The following SCD5 variants were observed in gnomAD, a reference collection of about 807,000 sequenced individuals.
The protein encoded by SCD5 is acyl-CoA-desaturase 4.
A neutral mutation model predicts 30.4 loss-of-function variants in SCD5; 20 were observed. The observed-to-expected ratio is 0.66, with a 90% confidence interval of 0.46 to 0.96. SCD5 has a LOEUF of 0.96. SCD5 is among the 40% of genes least tolerant of loss of function. SCD5 has a pLI of 0.00. For synonymous variants in SCD5, 173 were observed against 176.4 expected (o/e 0.98, Z 0.16); for missense variants, 381 against 443.3 (o/e 0.86, Z 1.26).
At chr4:82,717,801 A>G (rs922010008) in intron 1 of SCD5, among the ~76,000 whole-genome samples, 1 of 151,682 alleles carries the variant, frequency 6.6e-6, no homozygotes, top group Admixed American at 6.6e-5. Flanking sequence ...CTGTAATCCC[A>G]GATACTTGGG....
At chr4:82,786,287 G>A (rs908522834) in intron 1 of SCD5, among the ~76,000 whole-genome samples, 2 of 151,870 alleles carry the variant, frequency 1.3e-5, no homozygotes, top group African/African-American at 2.4e-5. Context: ...TATTAGAGAC[G>A]GCCTTTCCAA....
At chr4:82,750,414 A>G (rs1303683699) in intron 1 of SCD5, among the ~76,000 whole-genome samples, 4 of 152,246 alleles carry the variant, frequency 2.6e-5, no homozygotes, top group African/African-American at 9.6e-5. Flanking sequence ...TTCTTCACAC[A>G]TGCAAGAAGT....
At chr4:82,752,724 A>C (rs1343146533) in intron 1 of SCD5, among the ~76,000 whole-genome samples, 1 of 151,980 alleles carries the variant, frequency 6.6e-6, no homozygotes, top group Non-Finnish European at 1.5e-5. Context: ...ACACACATCC[A>C]CTCAGTTCTT....
At chr4:82,704,773 G>C (rs72661289) in intron 2 of SCD5, among the ~76,000 whole-genome samples, 3,205 of 152,330 alleles carry the variant, frequency 0.021, 60 homozygotes, top group South Asian at 0.091. Flanking sequence ...GGTGTTGTAA[G>C]AGCAATGACT....
At position 82,798,437 on chromosome 4, in the gene SCD5, T is replaced by G. The variant is rs148536662; in HGVS notation, c.101A>C (p.Glu34Ala). The G allele has an allele frequency of 1.3e-5, 21 of 1,612,982 alleles. No homozygotes were observed. In the African/African-American group the frequency reaches 2.7e-4, roughly 21 times the overall value. ...CCGCTGCCCGCGCGCGCCTGGCCTCTCCGGGCCGCCGCCGCCCTCAGAGCT... is the reference window on the plus strand; with the variant it reads ...CCGCTGCCCGCGCGCGCCTGGCCTCGCCGGGCCGCCGCCGCCCTCAGAGCT... ...LESSEGGGGPERPGARGQRQN... is the reference protein window; with the variant it reads ...LESSEGGGGPARPGARGQRQN... Residue 34 changes from glutamate to alanine, a missense_variant, in exon 1 of 5, where the codon GAG becomes GCG. Coordinates refer to ENST00000319540, the MANE Select transcript of SCD5 (RefSeq NM_001037582.3).
intron 1 of SCD5, chr4:82,775,637 G>C (rs1019671094): frequency 1.3e-5 from 2 of 152,252 alleles, no homozygotes; most frequent in South Asian, 2.1e-4. Flanking sequence ...GAGATACAAG[G>C]ATCACTTGAG....
chr4:82,659,245 C>T lies in SCD5; in HGVS notation c.569+21462G>A, dbSNP rs910977678. 3.3e-5 allele frequency among the ~76,000 whole-genome samples: 5 copies of T among 152,118 alleles called. No homozygotes were observed. In the South Asian group the frequency reaches 8.3e-4, roughly 25 times the overall value. On this transcript the variant is annotated intron_variant, in intron 3 of 4. Transcript: ENST00000319540. ...TCCCTTTTCTTCTTTATTAGTCTGGCTAGCAGTCTATTTTGTTAATCTTTT... is the reference window on the plus strand; with the variant it reads ...TCCCTTTTCTTCTTTATTAGTCTGGTTAGCAGTCTATTTTGTTAATCTTTT...
intron 1 of SCD5, among the ~76,000 whole-genome samples, chr4:82,753,158 T>C (rs1019556068): frequency 6.6e-6 from 1 of 151,970 alleles, no homozygotes; most frequent in African/African-American, 2.4e-5. Context: ...CCTGTGCACA[T>C]TCCAGTTTGA....
At position 82,728,052 on chromosome 4, in the gene SCD5, C is replaced by A. The variant is rs143577759; in HGVS notation, c.233-22639G>T. ...AATGAGCAAGACCAGCTCTTGTCTC[C>A]TCTGTATGTTTTTCCTGTCTTAAGT... On this transcript the variant is annotated intron_variant, in intron 1 of 4. Transcript: ENST00000319540. Among the ~76,000 whole-genome samples the A allele has an allele frequency of 4.4e-3, 663 of 152,212 alleles. 3 individuals are homozygous for A. The highest frequency in any genetic ancestry group is 5.4e-3 in the Non-Finnish European group (364 of 68,032).
chr4:82,789,446 G>A (rs28623152), intron 1 of SCD5, among the ~76,000 whole-genome samples: 16,880 of 152,210 alleles, frequency 0.11, 997 homozygotes, highest in African/African-American at 0.13. Context: ...TGGAGATGTC[G>A]TTAAAATGCA....
At chr4:82,697,348 A>C (rs903691269) in intron 2 of SCD5, among the ~76,000 whole-genome samples, 5 of 152,224 alleles carry the variant, frequency 3.3e-5, no homozygotes, top group African/African-American at 1.2e-4. Flanking sequence ...TGGTTTACAA[A>C]AATCTAATCG....
chr4:82,672,739 A>G (rs1728355267), intron 3 of SCD5, among the ~76,000 whole-genome samples: 1 of 152,278 alleles, frequency 6.6e-6, no homozygotes, highest in East Asian at 1.9e-4. Context: ...AGACAAAGAT[A>G]TTATAAGAAA....
At chr4:82,700,157 C>T (rs1346274782) in intron 2 of SCD5, among the ~76,000 whole-genome samples, 1 of 152,000 alleles carries the variant, frequency 6.6e-6, no homozygotes, top group African/African-American at 2.4e-5. Flanking sequence ...GCGGAGGTTG[C>T]AGTGAGTCGA....
intron 1 of SCD5, among the ~76,000 whole-genome samples, chr4:82,752,059 T>C (rs927728054): frequency 8.5e-5 from 13 of 152,172 alleles, no homozygotes; most frequent in African/African-American, 3.1e-4. Flanking sequence ...TACTGCCCTG[T>C]TAAAGACCTG....
chr4:82,690,837 G>A (rs1728817188), intron 2 of SCD5, among the ~76,000 whole-genome samples: 3 of 152,080 alleles, frequency 2.0e-5, no homozygotes, highest in African/African-American at 7.2e-5. Flanking sequence ...GAACAAACAG[G>A]ACAATTGAGG....
intron 1 of SCD5, among the ~76,000 whole-genome samples, chr4:82,741,857 G>C (rs997072784): frequency 7.5e-5 from 11 of 147,344 alleles, no homozygotes; most frequent in Admixed American, 1.3e-4. Flanking sequence ...AGTGGGCGGG[G>C]GGGGGGAGTG....
intron 1 of SCD5, among the ~76,000 whole-genome samples, chr4:82,714,153 C>A (rs1484534298): frequency 6.6e-6 from 1 of 152,220 alleles, no homozygotes; most frequent in Non-Finnish European, 1.5e-5. Flanking sequence ...CATGCTGTTA[C>A]TTCTCTTATG....
chr4:82,725,965 T>C (rs1471622513), intron 1 of SCD5, among the ~76,000 whole-genome samples: 1 of 152,216 alleles, frequency 6.6e-6, no homozygotes, highest in Non-Finnish European at 1.5e-5. Context: ...AGGTGAGTCA[T>C]GGAACCTAAG....
At chr4:82,663,192 G>A (rs184978985) in intron 3 of SCD5, among the ~76,000 whole-genome samples, 65 of 152,312 alleles carry the variant, frequency 4.3e-4, no homozygotes, top group African/African-American at 1.3e-3. Context: ...CATCCAAGGA[G>A]AGACAGTACA....
Sources: gnomAD v4.1 joint callset for allele counts (sites outside exome capture counted in the v4.1 genomes callset) on GRCh38, gnomAD v4.1.1 for gene constraint, MANE v1.5 for transcripts, NCBI Gene and HGNC (gene_info 2026-07-23, HGNC 2026-07-21) for gene names.